Variants in SEC24B observed in about 807,000 individuals in gnomAD.
The protein encoded by SEC24B is SEC24 homolog B, COPII component.
Under a neutral mutation model 142.8 loss-of-function variants are expected in SEC24B, and 45 were observed. That is an observed-to-expected ratio of 0.32 (90% CI 0.25 to 0.40). SEC24B has a LOEUF of 0.40. Among genes scored for constraint, SEC24B ranks in the 10% least tolerant of loss-of-function variants. The probability of loss-of-function intolerance (pLI) is 1.00; values close to 1 mark genes in which losing one functional copy is unlikely to be tolerated. For missense variants in SEC24B, 1,409 were observed against 1,526.8 expected, an observed-to-expected ratio of 0.92 and a Z score of 1.29; for synonymous variants, 574 against 568.2, an observed-to-expected ratio of 1.01 and a Z score of -0.15.
At chr4:109,466,699 TGC>T (rs1553997689) in intron 2 of SEC24B, among the ~76,000 whole-genome samples, 1 of 152,152 alleles carries the variant, frequency 6.6e-6, no homozygotes, top group Non-Finnish European at 1.5e-5. Flanking sequence ...CGTGAGCCAC[TGC>T]ACCCGGCCAA....
chr4:109,507,054 G>C (rs1478141681), intron 7 of SEC24B, among the ~76,000 whole-genome samples: 1 of 152,060 alleles, frequency 6.6e-6, no homozygotes, highest in Non-Finnish European at 1.5e-5. Context: ...CTGGCAGACT[G>C]CACTGGCAAC....
At chr4:109,436,851 C>T (rs1375239938) in intron 1 of SEC24B, among the ~76,000 whole-genome samples, 4 of 152,186 alleles carry the variant, frequency 2.6e-5, no homozygotes, top group Non-Finnish European at 4.4e-5. Context: ...GGGAGGGTGG[C>T]GGCACCTGCC....
intron 7 of SEC24B, among the ~76,000 whole-genome samples, chr4:109,509,656 G>T (rs1419836093): frequency 7.2e-6 from 1 of 139,068 alleles, no homozygotes; most frequent in Non-Finnish European, 1.5e-5. Context: ...CAGCCTGGGC[G>T]ACAGAGCAAG....
chr4:109,492,735 G>T (rs1480998262), intron 5 of SEC24B, among the ~76,000 whole-genome samples: 2 of 152,154 alleles, frequency 1.3e-5, no homozygotes, highest in Non-Finnish European at 2.9e-5. Context: ...CTGAAGAAGG[G>T]GAGAAGATTT....
At chr4:109,482,979 T>TATATATATACAC (rs781527364) in intron 4 of SEC24B, among the ~76,000 whole-genome samples, 9 of 26,414 alleles carry the variant, frequency 3.4e-4, no homozygotes, top group Non-Finnish European at 4.5e-4. Context: ...TATATATATA[T>TATATATATACAC]ACACACACAC....
chr4:109,522,713 T>C (rs1292866593), intron 14 of SEC24B, among the ~76,000 whole-genome samples: 2 of 152,232 alleles, frequency 1.3e-5, no homozygotes, highest in African/African-American at 2.4e-5. Context: ...CATTTAGTTA[T>C]ACAAACATAC....
At chr4:109,509,260 G>C (rs1293288187) in intron 7 of SEC24B, among the ~76,000 whole-genome samples, 1 of 152,184 alleles carries the variant, frequency 6.6e-6, no homozygotes, top group Non-Finnish European at 1.5e-5. Context: ...GGAATAAATA[G>C]ATATCTCTAC....
chr4:109,516,670 T>TA (rs1722962882), intron 11 of SEC24B, 30 bp downstream of exon 11: 1 of 1,180,922 alleles, frequency 8.5e-7, no homozygotes, highest in Admixed American at 1.8e-5. Flanking sequence ...ATACTATACA[T>TA]ATGTGTATGT....
intron 2 of SEC24B, among the ~76,000 whole-genome samples, chr4:109,470,449 G>A (rs1346904863): frequency 6.6e-6 from 1 of 152,152 alleles, no homozygotes; most frequent in Non-Finnish European, 1.5e-5. Flanking sequence ...TGCCTCTATG[G>A]CAAATGATTT....
intron 6 of SEC24B, among the ~76,000 whole-genome samples, chr4:109,499,205 A>C (rs1735852779): frequency 6.6e-6 from 1 of 152,226 alleles, no homozygotes; most frequent in Non-Finnish European, 1.5e-5. Flanking sequence ...GTTTAAACAA[A>C]CAAAAGAAGT....
intron 22 of SEC24B, among the ~76,000 whole-genome samples, chr4:109,534,807 T>TGA (rs1372156151): frequency 6.6e-6 from 1 of 152,132 alleles, no homozygotes; most frequent in African/African-American, 2.4e-5. Flanking sequence ...CCTGAGTAGC[T>TGA]GGGACCACAG....
In SEC24B at chr4:109,537,058, C is replaced by A. The variant is rs376339293; in HGVS notation, c.3589-1435C>A. On this transcript the variant is annotated intron_variant, in intron 22 of 23. Coordinates refer to ENST00000265175, the MANE Select transcript of SEC24B (RefSeq NM_006323.5). ...GTTCTCTTACAAATCTTTGAGAAGA[C>A]CTTCCTTACTTTCTGCCTCCTCCAG... is the stretch of plus-strand genomic sequence containing the variant. Among the ~76,000 whole-genome samples, 8 of 152,200 alleles carry A rather than the reference C, an allele frequency of 5.3e-5. No individual in the cohort carries two copies. The East Asian group carries it at 1.5e-3, about 29-fold the overall frequency.
chr4:109,536,557 T>A (rs1303909114), intron 22 of SEC24B, among the ~76,000 whole-genome samples: 1 of 152,074 alleles, frequency 6.6e-6, no homozygotes, highest in African/African-American at 2.4e-5. Flanking sequence ...GGAGATGGAG[T>A]CTCACTCTGT....
At chr4:109,491,490 A>C (rs1735017210) in intron 5 of SEC24B, 83 bp downstream of exon 5, 1 of 969,020 alleles carries the variant, frequency 1.0e-6, no homozygotes, top group Non-Finnish European at 1.6e-6. Context: ...TGTATTACAC[A>C]TAATAGCAGG....
chr4:109,491,345 C>T lies in SEC24B; in HGVS notation c.1184C>T (p.Thr395Ile), dbSNP rs768188017. The change falls in exon 5 of 24, where the codon ACC becomes ATC. Residue 395 changes from threonine (T) to isoleucine (I), a missense_variant. Physicochemically the swap from Thr to Ile is moderately conservative, Grantham distance 89 (BLOSUM62 -1). Around this residue, in one of 2 missense-constraint regions of SEC24B, gnomAD observed 709 missense variants for 673.5 expected, o/e 1.05. Transcript: ENST00000265175. ...DEEAGVDSSS[T>I]TSSASPMPNS... ...CTTTTAGGTGTTGACAGCTCTTCTA[C>T]CACAAGCAGTGCTTCTCCAATGCCC... 6 of 1,613,238 alleles carry T rather than the reference C, an allele frequency of 3.7e-6. No homozygotes were observed. Among genetic ancestry groups the T allele is most frequent in the Non-Finnish European group, 5.1e-6 (6 of 1,179,374 alleles).
chr4:109,481,247 AC>A (rs2125982835), intron 3 of SEC24B, among the ~76,000 whole-genome samples: 1 of 152,326 alleles, frequency 6.6e-6, no homozygotes, highest in African/African-American at 2.4e-5. Flanking sequence ...AGGAAGGGGT[AC>A]CACGTATGTG....
Position 109,521,425 on chromosome 4 carries a change from A to G in SEC24B, c.2307A>G (p.Ile769Met), listed in dbSNP as rs959261149. The G allele has an allele frequency of 1.9e-6, 3 of 1,612,766 alleles. No individual in the cohort carries two copies. Among genetic ancestry groups the G allele is most frequent in the African/African-American group, 1.3e-5 (1 of 74,896 alleles). Residue 769 changes from isoleucine to methionine, a missense_variant, in exon 14 of 24, where the codon ATA (isoleucine) becomes ATG (methionine). By Grantham distance (10) the Ile-to-Met change is conservative (BLOSUM62 1). This residue lies in a region of SEC24B where 700 missense variants were observed against 853.3 expected (regional missense o/e 0.82). Transcript: ENST00000265175. Reference sequence around the variant, plus strand: ...TTTGATCTTTGTTTTCTCAGCTTATAAAAGACTTACTGAATGCATTACCAA... The same window carrying G: ...TTTGATCTTTGTTTTCTCAGCTTATGAAAGACTTACTGAATGCATTACCAA... The part of the protein sequence containing the change: ...LVNLYESKEL[I>M]KDLLNALPNM...
At chr4:109,481,594 C>T in intron 3 of SEC24B, 83 bp from the exon 4 acceptor site, 1 of 876,634 alleles carries the variant, frequency 1.1e-6, no homozygotes, top group Non-Finnish European at 1.8e-6. Flanking sequence ...AGAGTTCTTT[C>T]TCACTTTTAA....
rs117474315 is a variant in SEC24B at position 109,526,560 on chromosome 4, C to T, written c.2965+161C>T. Among the ~76,000 whole-genome samples the T allele has an allele frequency of 6.6e-5, 10 of 152,180 alleles. No homozygotes were observed. The East Asian group carries it at 1.9e-3, about 29-fold the overall frequency. The stretch of plus-strand genomic sequence containing the variant: ...GTTGTTATTTTCTTTCTTTTTTTAA[C>T]TCTCACTTTTGCATCTTTAAATAGC... On this transcript the variant is annotated intron_variant, in intron 17 of 23. Transcript: ENST00000265175.
Sources: gnomAD v4.1 joint callset for allele counts (sites outside exome capture counted in the v4.1 genomes callset) on GRCh38, gnomAD v4.1.1 for gene constraint, gnomAD v4.1.1 regional missense constraint, MANE v1.5 for transcripts, NCBI Gene and HGNC (gene_info 2026-07-23, HGNC 2026-07-21) for gene names.